Variants in CARMIL1 observed in about 807,000 individuals in gnomAD.
The protein encoded by CARMIL1 is capping protein regulator and myosin 1 linker 1.
A neutral mutation model predicts 177.1 loss-of-function variants in CARMIL1; 90 were observed. The observed-to-expected ratio is 0.51, with a 90% CI of 0.43 to 0.61. CARMIL1 has a LOEUF of 0.61. CARMIL1 is among the 20% of genes least tolerant of loss of function. The pLI is 0.00. For missense variants in CARMIL1, 1,380 were observed against 1,667.0 expected (o/e 0.83, Z 3.00); for synonymous variants, 577 against 606.2 (o/e 0.95, Z 0.71).
rs114667938 is a variant in CARMIL1, at chr6:25,318,263, G to A, written c.138+33354G>A. Among the ~76,000 whole-genome samples, 547 of 152,204 alleles carry A rather than the reference G, an allele frequency of 3.6e-3. 2 individuals are homozygous for A. The highest frequency in any genetic ancestry group is 0.013 in the African/African-American group (526 of 41,516). ...GCTGCCTTGGTGGTCTCAGACTACC[G>A]CATCCATGCTGAAATTGGAAAGGAG... On this transcript the variant is annotated intron_variant, in intron 2 of 36. Transcript: ENST00000329474.
intron 2 of CARMIL1, among the ~76,000 whole-genome samples, chr6:25,337,066 G>A (rs1445123554): frequency 6.6e-6 from 1 of 152,142 alleles, no homozygotes; most frequent in Non-Finnish European, 1.5e-5. Flanking sequence ...GTACTTATTT[G>A]TCAGGGCATA....
At chr6:25,337,898 C>T (rs576038852) in intron 2 of CARMIL1, among the ~76,000 whole-genome samples, 25 of 152,136 alleles carry the variant, frequency 1.6e-4, no homozygotes, top group Non-Finnish European at 2.6e-4. Context: ...TGTTAGTGGC[C>T]GGGCATGGTG....
At chr6:25,430,951 C>T (rs187876953) in intron 4 of CARMIL1, among the ~76,000 whole-genome samples, 45 of 152,162 alleles carry the variant, frequency 3.0e-4, no homozygotes, top group Admixed American at 8.5e-4. Flanking sequence ...ATTTGGTTAT[C>T]TCTCTCTTTT....
intron 2 of CARMIL1, among the ~76,000 whole-genome samples, chr6:25,313,400 C>A (rs773574149): frequency 2.6e-5 from 4 of 152,114 alleles, no homozygotes; most frequent in Non-Finnish European, 5.9e-5. Context: ...TGGCTGTTTC[C>A]CTGATGCACC....
chr6:25,388,267 T>G (rs1415293147), intron 2 of CARMIL1: 1 of 152,228 alleles, frequency 6.6e-6, no homozygotes, highest in African/African-American at 2.4e-5. Flanking sequence ...GATGTCTGCC[T>G]TAGTTAAAAT....
At chr6:25,523,264 AT>A (rs1309765812) in intron 23 of CARMIL1, among the ~76,000 whole-genome samples, 1 of 152,188 alleles carries the variant, frequency 6.6e-6, no homozygotes, top group Non-Finnish European at 1.5e-5. Flanking sequence ...TTTTTTTGAA[AT>A]TTATTTTTTT....
intron 27 of CARMIL1, among the ~76,000 whole-genome samples, chr6:25,553,500 T>A (rs1014432610): frequency 2.6e-5 from 4 of 152,196 alleles, no homozygotes; most frequent in African/African-American, 9.6e-5. Flanking sequence ...GGCAGGTGAT[T>A]TTGTAAATAG....
In CARMIL1 at chr6:25,556,685, C is replaced by G; in HGVS notation, c.2593-16C>G. The G allele has an allele frequency of 1.2e-6, 2 of 1,607,694 alleles. No individual in the cohort carries two copies. The highest frequency in any genetic ancestry group is 1.7e-6 in the Non-Finnish European group (2 of 1,177,442). Reference sequence around the variant, plus strand: ...CTGTACTTTAATTTCTCCTCGTACACGTCTTGACCTTCTAGGCTGACCATT... The same window carrying G: ...CTGTACTTTAATTTCTCCTCGTACAGGTCTTGACCTTCTAGGCTGACCATT... On this transcript the variant is annotated splice_polypyrimidine_tract_variant and intron_variant, in intron 28 of 36. Transcript: ENST00000329474.
At chr6:25,316,255 G>T (rs1784260710) in intron 2 of CARMIL1, among the ~76,000 whole-genome samples, 1 of 152,122 alleles carries the variant, frequency 6.6e-6, no homozygotes, top group South Asian at 2.1e-4. Context: ...AGCATTGCAT[G>T]GTGTGAGGAG....
At chr6:25,367,189 A>T (rs1029661411) in intron 2 of CARMIL1, among the ~76,000 whole-genome samples, 1 of 152,082 alleles carries the variant, frequency 6.6e-6, no homozygotes, top group Non-Finnish European at 1.5e-5. Context: ...CATAACATTT[A>T]CTTTTTTGGT....
At position 25,482,276 on chromosome 6, in the gene CARMIL1, T is replaced by G; in HGVS notation, c.894T>G (p.Ile298Met). 2.5e-6 allele frequency: 4 copies of G among 1,585,266 alleles called. No individual in the cohort carries two copies. The highest frequency in any genetic ancestry group is 3.4e-6 in the Non-Finnish European group (4 of 1,161,408). The change falls in exon 12 of 37, where the codon ATT becomes ATG. Residue 298 changes from isoleucine to methionine, a missense_variant. Coordinates refer to ENST00000329474, the MANE Select transcript of CARMIL1 (RefSeq NM_017640.6). ...TCTCAGGTGTGTCCTCTTTAAGTATTCAATTTGCCAAACTCCCAAAGGGAT... is the reference window on the plus strand; with the variant it reads ...TCTCAGGTGTGTCCTCTTTAAGTATGCAATTTGCCAAACTCCCAAAGGGAT... ...LEDRGVSSLS[I>M]QFAKLPKGLK...
At position 25,600,521 on chromosome 6, in the gene CARMIL1, G is replaced by A. The variant is rs1295399998; in HGVS notation, c.3327G>A (p.Lys1109=). 4 of 1,613,916 alleles carry A rather than the reference G, an allele frequency of 2.5e-6. No individual in the cohort carries two copies. The highest frequency in any genetic ancestry group is 1.7e-5 in the Admixed American group (1 of 60,010). ...GTCCACCTGTGGACTGTCCCAGGAA[G>A]GACACAAAGGCCGCCGAGCACAATG... ...VRSPPVDCPR[K]DTKAAEHNGN... Residue 1109 remains lysine, a synonymous_variant, in exon 33 of 37, where the codon AAG becomes AAA. Coordinates refer to ENST00000329474, the MANE Select transcript of CARMIL1 (RefSeq NM_017640.6).
intron 2 of CARMIL1, among the ~76,000 whole-genome samples, chr6:25,377,941 GC>G: frequency 6.6e-6 from 1 of 152,212 alleles, no homozygotes; most frequent in Non-Finnish European, 1.5e-5. Flanking sequence ...AATTGGTGGG[GC>G]TATAGAGCTC....
At chr6:25,433,037 T>C (rs1796949627) in intron 4 of CARMIL1, 1 of 152,202 alleles carries the variant, frequency 6.6e-6, no homozygotes, top group African/African-American at 2.4e-5. Flanking sequence ...GAAGCTCTTT[T>C]TTTCTTTTTT....
rs369869736 is a variant in CARMIL1 at position 25,449,858 on chromosome 6, G to T, written c.372-40G>T. The T allele has an allele frequency of 3.2e-6, 4 of 1,240,536 alleles. No individual in the cohort carries two copies. In the African/African-American group the frequency reaches 4.5e-5, roughly 14 times the overall value. The allele number at this position is 1,240,536 out of a possible 1,614,324, so 76.8% of individuals were successfully genotyped here. ...ATTTATTTCTATGTGCAGTCAAAAA[G>T]TGTGGTTTGTGAAATGTGTTGTTGT... On this transcript the variant is annotated intron_variant, in intron 5 of 36. Transcript: ENST00000329474.
chr6:25,536,692 G>A (rs1312466738), intron 24 of CARMIL1, among the ~76,000 whole-genome samples: 2 of 152,092 alleles, frequency 1.3e-5, no homozygotes, highest in Admixed American at 1.3e-4. Flanking sequence ...AAGTAGACAT[G>A]GGCTCTGTAA....
chr6:25,383,888 G>A (rs1791867662), intron 2 of CARMIL1, among the ~76,000 whole-genome samples: 1 of 152,092 alleles, frequency 6.6e-6, no homozygotes, highest in Non-Finnish European at 1.5e-5. Context: ...GCCCAGGCTA[G>A]AGTGCAGTGG....
chr6:25,556,759 A>C lies in CARMIL1; in HGVS notation c.2651A>C (p.Glu884Ala), dbSNP rs750173387. 1.2e-6 allele frequency: 2 copies of C among 1,613,540 alleles called. No homozygotes were observed. The highest frequency in any genetic ancestry group is 1.7e-6 in the Non-Finnish European group (2 of 1,179,726). Reference sequence around the variant, plus strand: ...CCTCAACAAGAATCCTTAGAGATCGAGCTGGCTGAGGAGAAGCCAGTTAAA... The same window carrying C: ...CCTCAACAAGAATCCTTAGAGATCGCGCTGGCTGAGGAGAAGCCAGTTAAA... ...TLPQQESLEIELAEEKPVKRS... is the reference protein window; with the variant it reads ...TLPQQESLEIALAEEKPVKRS... The change falls in exon 29 of 37, where the codon GAG becomes GCG. Residue 884 changes from glutamate (E) to alanine (A), a missense_variant. Transcript: ENST00000329474.
intron 2 of CARMIL1, among the ~76,000 whole-genome samples, chr6:25,340,777 G>GT (rs34928775): frequency 0.054 from 4,652 of 85,930 alleles, 416 homozygotes; most frequent in Middle Eastern, 0.16. Flanking sequence ...GTCAATGAAG[G>GT]TTTTTTTTTT....
Sources: allele counts gnomAD v4.1 joint callset (sites outside exome capture counted in the v4.1 genomes callset), GRCh38; gene constraint gnomAD v4.1.1; transcripts MANE v1.5; gene names NCBI Gene and HGNC (gene_info 2026-07-23, HGNC 2026-07-21).